The following STXBP4 variants were observed in gnomAD, a reference collection of about 807,000 sequenced individuals.
STXBP4 encodes syntaxin binding protein 4.
STXBP4 carries 55 observed loss-of-function variants against 76.1 expected under a neutral mutation model. The observed-to-expected ratio is 0.72, with a 90% CI of 0.58 to 0.91. The LOEUF (loss-of-function observed/expected upper bound fraction) is 0.91, where lower values mean the gene tolerates loss of function less well. STXBP4 is among the 40% of genes least tolerant of loss of function. The pLI is 0.00. For missense variants in STXBP4, 618 were observed against 636.9 expected (o/e 0.97, Z 0.32); for synonymous variants, 201 against 220.2 (o/e 0.91, Z 0.77).
In STXBP4 at chr17:55,167,262, T is replaced by A. The variant is rs1348174458; in HGVS notation, c.*7351T>A. On this transcript the variant is annotated 3_prime_UTR_variant, in exon 18 of 18. Transcript: ENST00000376352. ...TACTGACTCAGAGTCCATATATTATTTTTTATTTCTCATGCAAGACATGAC... is the reference window on the plus strand; with the variant it reads ...TACTGACTCAGAGTCCATATATTATATTTTATTTCTCATGCAAGACATGAC... 1 of 152,224 alleles carries A rather than the reference T, an allele frequency of 6.6e-6. No homozygotes were observed. Among genetic ancestry groups the A allele is most frequent in the Non-Finnish European group, 1.5e-5 (1 of 68,034 alleles). 9.4% of individuals were successfully genotyped at this position (152,224 alleles called of 1,614,324 possible). A position where few individuals can be genotyped will look rare whatever the true frequency, so the allele number is the denominator to read the frequency against.
intron 12 of STXBP4, among the ~76,000 whole-genome samples, chr17:55,059,891 C>T (rs1297419354): frequency 6.6e-6 from 1 of 152,016 alleles, no homozygotes; most frequent in Non-Finnish European, 1.5e-5. Context: ...ATTTAACAGT[C>T]ATAAAATGTG....
At chr17:55,064,140 T>G (rs2079023010) in intron 12 of STXBP4, among the ~76,000 whole-genome samples, 1 of 152,206 alleles carries the variant, frequency 6.6e-6, no homozygotes, top group Admixed American at 6.5e-5. Context: ...TAATCCCACA[T>G]AAATAAATCA....
intron 16 of STXBP4, among the ~76,000 whole-genome samples, chr17:55,135,240 CTT>C (rs1473143439): frequency 6.6e-6 from 1 of 152,100 alleles, no homozygotes. Context: ...TATATTATAG[CTT>C]TTCAATTGCC....
rs528959234 is a variant in STXBP4 at position 55,008,405 on chromosome 17, A to G, written c.666+808A>G. 3.0e-4 allele frequency among the ~76,000 whole-genome samples: 46 copies of G among 152,286 alleles called. 1 individual carries two copies. The highest frequency in any genetic ancestry group is 6.8e-3 in the Middle Eastern group (2 of 294). On this transcript the variant is annotated intron_variant, in intron 8 of 17. Coordinates refer to ENST00000376352, the MANE Select transcript of STXBP4 (RefSeq NM_178509.6). ...CTATGATAGTCCTTTCTCATTGCCAATTTGAATCTTATCTAAATTCTAACT... is the reference window on the plus strand; with the variant it reads ...CTATGATAGTCCTTTCTCATTGCCAGTTTGAATCTTATCTAAATTCTAACT...
the STXBP4 span, among the ~76,000 whole-genome samples, chr17:55,187,647 A>G: frequency 1.3e-5 from 2 of 152,144 alleles, no homozygotes; most frequent in Non-Finnish European, 2.9e-5. Flanking sequence ...TGAGGCTGTA[A>G]TGAGAACACA....
chr17:55,009,473 T>C (rs1260153885), intron 8 of STXBP4, among the ~76,000 whole-genome samples: 6 of 152,226 alleles, frequency 3.9e-5, no homozygotes, highest in Non-Finnish European at 8.8e-5. Context: ...TTTAAATTTT[T>C]CTAGCACATG....
At chr17:55,059,799 T>C (rs773199502) in intron 12 of STXBP4, among the ~76,000 whole-genome samples, 7 of 152,100 alleles carry the variant, frequency 4.6e-5, no homozygotes, top group African/African-American at 7.2e-5. Context: ...AAATAGGCAA[T>C]GGAGGATTTA....
intron 12 of STXBP4, among the ~76,000 whole-genome samples, chr17:55,070,543 A>G (rs1390831982): frequency 6.6e-6 from 1 of 152,202 alleles, no homozygotes; most frequent in African/African-American, 2.4e-5. Flanking sequence ...CATAGAAGGC[A>G]ATTGGTTGGC....
At chr17:55,010,734 G>T (rs1430276422) in intron 8 of STXBP4, among the ~76,000 whole-genome samples, 1 of 152,118 alleles carries the variant, frequency 6.6e-6, no homozygotes, top group Admixed American at 6.5e-5. Context: ...CAAGAAAACT[G>T]TAGAGAGCAA....
chr17:54,988,115 G>A (rs2144383901), intron 3 of STXBP4, among the ~76,000 whole-genome samples: 1 of 152,232 alleles, frequency 6.6e-6, no homozygotes, highest in South Asian at 2.1e-4. Context: ...CATAGACATT[G>A]CTTATAATAA....
chr17:55,015,989 T>C (rs1351748984), intron 8 of STXBP4, among the ~76,000 whole-genome samples: 1 of 152,162 alleles, frequency 6.6e-6, no homozygotes, highest in Non-Finnish European at 1.5e-5. Flanking sequence ...GGCCAGGCAG[T>C]ACTGCAGAAG....
intron 1 of STXBP4, among the ~76,000 whole-genome samples, chr17:54,974,641 T>C (rs2643023): frequency 0.49 from 74,817 of 152,064 alleles, 18,951 homozygotes; most frequent in East Asian, 0.67. Context: ...ATGTAGGACA[T>C]GCAAGCCCCC....
intron 16 of STXBP4, among the ~76,000 whole-genome samples, chr17:55,092,107 T>C (rs771547505): frequency 6.6e-6 from 1 of 152,026 alleles, no homozygotes; most frequent in Non-Finnish European, 1.5e-5. Flanking sequence ...GGAGCTAAGA[T>C]ATGAGGACGC....
chr17:55,207,296 G>A, the STXBP4 span, among the ~76,000 whole-genome samples: 8 of 152,166 alleles, frequency 5.3e-5, no homozygotes, highest in African/African-American at 1.4e-4. Flanking sequence ...GTCACTACAG[G>A]CATGTACACC....
At chr17:55,154,487 C>G (rs1379022599) in intron 17 of STXBP4, among the ~76,000 whole-genome samples, 1 of 152,116 alleles carries the variant, frequency 6.6e-6, no homozygotes, top group Non-Finnish European at 1.5e-5. Context: ...TCTGATAATT[C>G]AGTGTATAGG....
chr17:54,968,831 G>T lies in STXBP4; in HGVS notation c.-157+16G>T. 1 of 619,962 alleles carries T rather than the reference G, an allele frequency of 1.6e-6. No individual in the cohort carries two copies. The highest frequency in any genetic ancestry group is 2.8e-6 in the Non-Finnish European group (1 of 355,252). 38.4% of individuals were successfully genotyped at this position (619,962 alleles called of 1,614,324 possible). A position where few individuals can be genotyped will look rare whatever the true frequency, so the allele number is the denominator to read the frequency against. Reference sequence around the variant, plus strand: ...CAGATTACGGGTAAGTTTGCGTTTTGCTTTGTGACTGTTACTCCCACTTCG... The same window carrying T: ...CAGATTACGGGTAAGTTTGCGTTTTTCTTTGTGACTGTTACTCCCACTTCG... On this transcript the variant is annotated intron_variant, in intron 1 of 17. Coordinates refer to ENST00000376352, the MANE Select transcript of STXBP4 (RefSeq NM_178509.6).
chr17:54,988,545 G>A (rs77836369), intron 3 of STXBP4, among the ~76,000 whole-genome samples: 24,308 of 152,086 alleles, frequency 0.16, 2,523 homozygotes, highest in East Asian at 0.5. Flanking sequence ...AGGCCGAGGC[G>A]GGTGGATCAC....
At chr17:55,038,682 C>T (rs1437857617) in intron 10 of STXBP4, among the ~76,000 whole-genome samples, 1 of 148,806 alleles carries the variant, frequency 6.7e-6, no homozygotes, top group East Asian at 1.9e-4. Flanking sequence ...AGGCTGGAGC[C>T]CACATTTAGC....
intron 16 of STXBP4, among the ~76,000 whole-genome samples, chr17:55,089,954 T>C (rs1310641864): frequency 6.6e-6 from 1 of 151,992 alleles, no homozygotes; most frequent in Non-Finnish European, 1.5e-5. Context: ...TACAGGTGAA[T>C]CCTAAAATCT....
Sources: gnomAD v4.1 joint callset for allele counts (sites outside exome capture counted in the v4.1 genomes callset) on GRCh38, gnomAD v4.1.1 for gene constraint, MANE v1.5 for transcripts, NCBI Gene and HGNC (gene_info 2026-07-23, HGNC 2026-07-21) for gene names.